CFAP70: variants seen among roughly 807,000 people sequenced by gnomAD.
CFAP70 encodes the protein cilia- and flagella-associated protein 70.
In CFAP70, 81 loss-of-function variants were observed where a neutral mutation model predicts 137.6. The ratio of observed to expected loss-of-function variants is 0.59; its 90% confidence interval spans 0.49 to 0.71. The LOEUF (loss-of-function observed/expected upper bound fraction) is 0.71. Ranked by LOEUF, CFAP70 falls within the 30% of genes least tolerant of loss-of-function variation. The pLI is 0.00. For missense variants in CFAP70, 976 were observed against 1,226.7 expected, an observed-to-expected ratio of 0.80 and a Z score of 3.05; for synonymous variants, 382 against 423.6, an observed-to-expected ratio of 0.90 and a Z score of 1.20.
chr10:73,289,297 T>A (rs767356125), intron 19 of CFAP70, among the ~76,000 whole-genome samples: 57 of 152,156 alleles, frequency 3.7e-4, no homozygotes, highest in African/African-American at 8.0e-4. Context: ...TATTATTATT[T>A]TTTTTTGAGA....
At chr10:73,315,662 C>A in intron 9 of CFAP70, among the ~76,000 whole-genome samples, 1 of 152,166 alleles carries the variant, frequency 6.6e-6, no homozygotes, top group East Asian at 1.9e-4. Flanking sequence ...CTGCTGGGCT[C>A]AAGTGATCCA....
At chr10:73,353,689 T>C (rs1402246096) in exon 3 of CFAP70, 2 of 1,614,200 alleles carry the variant, frequency 1.2e-6, no homozygotes, top group African/African-American at 1.3e-5. Flanking sequence ...CCAGAACCAC[T>C]TGATTGAATT....
exon 9 of CFAP70, chr10:73,323,067 C>T: frequency 6.2e-7 from 1 of 1,612,286 alleles, no homozygotes; most frequent in Non-Finnish European, 8.5e-7. Context: ...TAAGCCACAC[C>T]ATGAAACGAA....
chr10:73,258,641 TTTCTC>T (rs1247930969), intron 25 of CFAP70, among the ~76,000 whole-genome samples: 1 of 152,242 alleles, frequency 6.6e-6, no homozygotes, highest in East Asian at 1.9e-4. Context: ...CAGAGTCACA[TTTCTC>T]TTCTTACAAA....
intron 4 of CFAP70, chr10:73,345,145 A>G: frequency 1.2e-6 from 2 of 1,614,204 alleles, no homozygotes; most frequent in Non-Finnish European, 8.5e-7. Context: ...GGCACAGAGT[A>G]AGCAGCCTCC....
At chr10:73,288,005 C>A (rs2091009243) in intron 19 of CFAP70, among the ~76,000 whole-genome samples, 1 of 152,132 alleles carries the variant, frequency 6.6e-6, no homozygotes, top group Non-Finnish European at 1.5e-5. Flanking sequence ...TCAAGTGATT[C>A]TCCTGCCTCA....
chr10:73,333,906 T>C (rs1206317469), intron 7 of CFAP70, among the ~76,000 whole-genome samples: 1 of 152,192 alleles, frequency 6.6e-6, no homozygotes, highest in Non-Finnish European at 1.5e-5. Flanking sequence ...AAGGTAATAA[T>C]GGCAACAATG....
intron 25 of CFAP70, among the ~76,000 whole-genome samples, chr10:73,268,504 A>G (rs996346517): frequency 2.6e-5 from 4 of 152,054 alleles, no homozygotes; most frequent in African/African-American, 7.2e-5. Flanking sequence ...ATACATCTGT[A>G]TATATATCCT....
intron 12 of CFAP70, among the ~76,000 whole-genome samples, chr10:73,303,425 A>T (rs971408042): frequency 6.6e-6 from 1 of 151,988 alleles, no homozygotes; most frequent in Non-Finnish European, 1.5e-5. Flanking sequence ...TCACTGTGTT[A>T]GCCAGGATGG....
At chr10:73,263,200 A>T (rs2045436707) in intron 25 of CFAP70, among the ~76,000 whole-genome samples, 1 of 152,146 alleles carries the variant, frequency 6.6e-6, no homozygotes, top group African/African-American at 2.4e-5. Flanking sequence ...CCTGGGCTCA[A>T]GCAATCCTCC....
intron 23 of CFAP70, among the ~76,000 whole-genome samples, chr10:73,273,321 T>G (rs187095751): frequency 1.3e-4 from 20 of 152,304 alleles, no homozygotes; most frequent in Admixed American, 3.9e-4. Context: ...TTATCTGAAT[T>G]CCACCTCCAC....
intron 7 of CFAP70, among the ~76,000 whole-genome samples, chr10:73,334,561 A>G (rs932429808): frequency 3.8e-4 from 58 of 151,440 alleles, no homozygotes; most frequent in African/African-American, 1.3e-3. Context: ...CTGTGTAACC[A>G]TCATACATAC....
chr10:73,350,892 C>T (rs2054138070), intron 3 of CFAP70, among the ~76,000 whole-genome samples: 1 of 151,282 alleles, frequency 6.6e-6, no homozygotes, highest in African/African-American at 2.4e-5. Context: ...TCTGGAGTAG[C>T]TAGGGCTACA....
intron 12 of CFAP70, among the ~76,000 whole-genome samples, chr10:73,302,883 C>CTTTTCTTT (rs545853627): frequency 5.3e-5 from 7 of 131,002 alleles, no homozygotes; most frequent in African/African-American, 1.5e-4. Context: ...CTTTTCTTTT[C>CTTTTCTTT]TTTTTTTTTT....
At chr10:73,280,802 T>C (rs558294548) in intron 19 of CFAP70, among the ~76,000 whole-genome samples, 28 of 152,182 alleles carry the variant, frequency 1.8e-4, no homozygotes, top group Non-Finnish European at 2.4e-4. Flanking sequence ...TGTGACTTCT[T>C]TTTTTCCCTG....
At chr10:73,351,069 GTGTATATATATATATATATA>G (rs1335357165) in intron 3 of CFAP70, among the ~76,000 whole-genome samples, 136 of 50,550 alleles carry the variant, frequency 2.7e-3, no homozygotes, top group African/African-American at 8.7e-3. Context: ...GTGTGTGTGT[GTGTATATATATATATATATA>G]TATATATATA....
intron 22 of CFAP70, 44 bp from the exon 24 acceptor site, chr10:73,274,638 T>C: frequency 8.6e-6 from 13 of 1,507,126 alleles, no homozygotes; most frequent in Non-Finnish European, 1.2e-5. Flanking sequence ...AAGGTAGTAT[T>C]TAAAAGTACC....
chr10:73,257,665 T>A (rs2044655997), intron 25 of CFAP70, among the ~76,000 whole-genome samples: 3 of 152,224 alleles, frequency 2.0e-5, no homozygotes, highest in African/African-American at 7.2e-5. Flanking sequence ...TGTTCCCAAC[T>A]GAAGTTCACT....
intron 8 of CFAP70, among the ~76,000 whole-genome samples, chr10:73,329,379 T>C (rs1375606409): frequency 2.6e-5 from 4 of 152,052 alleles, no homozygotes; most frequent in African/African-American, 9.7e-5. Context: ...TTAAGAGATA[T>C]ACCTAATGCT....
Sources: gnomAD v4.1 joint callset for allele counts (sites outside exome capture counted in the v4.1 genomes callset) on GRCh38, gnomAD v4.1.1 for gene constraint, MANE v1.5 for transcripts, NCBI Gene and HGNC (gene_info 2026-07-23, HGNC 2026-07-21) for gene names.